The following PLD5 variants were observed in gnomAD, a reference collection of about 807,000 sequenced individuals.
The protein encoded by PLD5 is phospholipase D family member 5.
Under a neutral mutation model 61.1 loss-of-function variants are expected in PLD5, and 36 were observed. The ratio of observed to expected loss-of-function variants is 0.59; its 90% CI spans 0.45 to 0.78. PLD5 has a LOEUF of 0.78. Among genes scored for constraint, PLD5 ranks in the 30% least tolerant of loss-of-function variants. The pLI, the probability that PLD5 is intolerant of heterozygous loss-of-function variation, is 0.00. For missense variants in PLD5, 515 were observed against 644.4 expected, an observed-to-expected ratio of 0.80 and a Z score of 2.17; for synonymous variants, 243 against 242.8, an observed-to-expected ratio of 1.00 and a Z score of -0.01.
chr1:242,518,545 C>T (rs113619457), intron 1 of PLD5, among the ~76,000 whole-genome samples: 58 of 152,222 alleles, frequency 3.8e-4, no homozygotes, highest in African/African-American at 1.3e-3. Context: ...ATTCAAAGGA[C>T]TCATCAGATT....
chr1:242,303,132 A>G (rs916331384), intron 2 of PLD5, among the ~76,000 whole-genome samples: 1 of 152,236 alleles, frequency 6.6e-6, no homozygotes, highest in South Asian at 2.1e-4. Flanking sequence ...TGAGGGAGGC[A>G]TTGTTCATTA....
intron 3 of PLD5, among the ~76,000 whole-genome samples, chr1:242,283,609 G>A (rs1313252046): frequency 6.6e-6 from 1 of 152,180 alleles, no homozygotes; most frequent in East Asian, 1.9e-4. Context: ...TTTATCACAC[G>A]TATCTGTGAA....
chr1:242,500,948 A>C (rs1301892923), intron 1 of PLD5, among the ~76,000 whole-genome samples: 1 of 152,202 alleles, frequency 6.6e-6, no homozygotes, highest in Non-Finnish European at 1.5e-5. Context: ...CATACCACCT[A>C]GAGTAGTATC....
At chr1:242,426,353 C>T (rs1665425946) in intron 1 of PLD5, among the ~76,000 whole-genome samples, 2 of 151,016 alleles carry the variant, frequency 1.3e-5, no homozygotes, top group Non-Finnish European at 1.5e-5. Flanking sequence ...GGAGTACACC[C>T]GAACATAGCA....
intron 5 of PLD5, among the ~76,000 whole-genome samples, chr1:242,130,056 T>A (rs1290003830): frequency 6.8e-6 from 1 of 146,368 alleles, no homozygotes; most frequent in African/African-American, 2.5e-5. Context: ...ATGAACATCT[T>A]TTTTTTTTTT....
chr1:242,207,806 A>ATT (rs1558343739), intron 5 of PLD5, among the ~76,000 whole-genome samples: 14 of 78,650 alleles, frequency 1.8e-4, no homozygotes, highest in African/African-American at 3.3e-4. Flanking sequence ...ATATTTATAT[A>ATT]TATTTATATT....
chr1:242,510,231 A>C (rs1328257109), intron 1 of PLD5, among the ~76,000 whole-genome samples: 1 of 150,738 alleles, frequency 6.6e-6, no homozygotes, highest in East Asian at 1.9e-4. Context: ...ACACACACAC[A>C]AAAAAAGGTC....
chr1:242,104,676 ATAT>A (rs766142847), intron 8 of PLD5, among the ~76,000 whole-genome samples: 5 of 152,034 alleles, frequency 3.3e-5, no homozygotes, highest in Non-Finnish European at 7.4e-5. Flanking sequence ...GTAATTGTAA[ATAT>A]TATTATCTCT....
At chr1:242,235,097 C>T (rs763186102) in intron 4 of PLD5, among the ~76,000 whole-genome samples, 10 of 152,114 alleles carry the variant, frequency 6.6e-5, no homozygotes, top group African/African-American at 1.9e-4. Flanking sequence ...TGCTCTGAAA[C>T]GTGGATCTCT....
At chr1:242,189,675 C>A (rs1668125677) in intron 5 of PLD5, among the ~76,000 whole-genome samples, 1 of 152,186 alleles carries the variant, frequency 6.6e-6, no homozygotes, top group African/African-American at 2.4e-5. Flanking sequence ...CAGGCACAGA[C>A]ACATGCTGAG....
rs1051234428 is a variant in PLD5 at position 242,386,837 on chromosome 1, A to G, written c.190-38595T>C. Among the ~76,000 whole-genome samples the G allele has an allele frequency of 3.3e-5, 5 of 152,236 alleles. No homozygotes were observed. In the South Asian group the frequency reaches 1.0e-3, roughly 31 times the overall value. On this transcript the variant is annotated intron_variant, in intron 1 of 9. Transcript: ENST00000536534. ...GTGCTTCCTGATGTACAGGTATTAT[A>G]CAATGTTTTGTAGACATTGTCCCTA... is the stretch of plus-strand genomic sequence containing the variant.
At chr1:242,496,790 G>A (rs1328101925) in intron 1 of PLD5, among the ~76,000 whole-genome samples, 1 of 152,190 alleles carries the variant, frequency 6.6e-6, no homozygotes, top group East Asian at 1.9e-4. Flanking sequence ...ACCCCTGAAT[G>A]TTAGCTCATC....
At chr1:242,325,686 A>G (rs950827297) in intron 2 of PLD5, among the ~76,000 whole-genome samples, 5 of 152,034 alleles carry the variant, frequency 3.3e-5, no homozygotes, top group African/African-American at 1.2e-4. Flanking sequence ...CCCTTGCTAC[A>G]GTTTACACAT....
At chr1:242,484,484 G>A (rs540312247) in intron 1 of PLD5, among the ~76,000 whole-genome samples, 2 of 152,014 alleles carry the variant, frequency 1.3e-5, no homozygotes, top group South Asian at 4.2e-4. Flanking sequence ...TCCTCGACAC[G>A]TACACCCTCC....
chr1:242,325,282 G>A (rs1658675905), intron 2 of PLD5, among the ~76,000 whole-genome samples: 1 of 151,682 alleles, frequency 6.6e-6, no homozygotes, highest in Non-Finnish European at 1.5e-5. Flanking sequence ...CCAATGTGCT[G>A]TAACTGTAAA....
At chr1:242,197,202 C>T (rs1334115850) in intron 5 of PLD5, among the ~76,000 whole-genome samples, 1 of 152,206 alleles carries the variant, frequency 6.6e-6, no homozygotes, top group African/African-American at 2.4e-5. Flanking sequence ...CCCTTCCTTA[C>T]TGCCACTGGA....
chr1:242,282,027 T>C (rs191991327), intron 3 of PLD5, among the ~76,000 whole-genome samples: 2 of 152,234 alleles, frequency 1.3e-5, no homozygotes, highest in East Asian at 3.8e-4. Flanking sequence ...TCCCAATTTC[T>C]AGCACAGTGT....
chr1:242,172,898 C>CAA (rs71570939), intron 5 of PLD5, among the ~76,000 whole-genome samples: 1 of 146,358 alleles, frequency 6.8e-6, no homozygotes, highest in Non-Finnish European at 1.5e-5. Context: ...GCCTATCAAA[C>CAA]AAAAAAAAAA....
intron 1 of PLD5, among the ~76,000 whole-genome samples, chr1:242,505,388 CA>C (rs1407758349): frequency 2.0e-5 from 3 of 152,120 alleles, no homozygotes; most frequent in Non-Finnish European, 4.4e-5. Context: ...TAAATATTGA[CA>C]AATTGTAATT....
Sources: gnomAD v4.1 joint callset for allele counts (sites outside exome capture counted in the v4.1 genomes callset) on GRCh38, gnomAD v4.1.1 for gene constraint, MANE v1.5 for transcripts, NCBI Gene and HGNC (gene_info 2026-07-23, HGNC 2026-07-21) for gene names.